The following TPST2 variants were observed in gnomAD, a reference collection of about 807,000 sequenced individuals.
TPST2 encodes the protein protein-tyrosine sulfotransferase 2.
Under a neutral mutation model 27.8 loss-of-function variants are expected in TPST2, and 16 were observed. That is an observed-to-expected ratio of 0.58 (90% CI 0.39 to 0.88). The LOEUF is 0.88. Ranked by LOEUF, TPST2 falls within the 40% of genes least tolerant of loss-of-function variation. The pLI, the probability that TPST2 is intolerant of heterozygous loss-of-function variation, is 0.00. For synonymous variants in TPST2, 229 were observed against 231.7 expected (o/e 0.99, Z 0.10); for missense variants, 464 against 543.1 (o/e 0.85, Z 1.45).
intron 5 of TPST2, among the ~76,000 whole-genome samples, chr22:26,532,180 T>A (rs969431413): frequency 2.3e-4 from 35 of 152,186 alleles, no homozygotes; most frequent in South Asian, 2.1e-4. Flanking sequence ...GAAGACGAAG[T>A]GAGAGGCTGC....
At chr22:26,545,805 G>C (rs745980742) in intron 1 of TPST2, among the ~76,000 whole-genome samples, 3 of 152,142 alleles carry the variant, frequency 2.0e-5, no homozygotes, top group South Asian at 4.1e-4. Context: ...CCAGGCCTGG[G>C]GTGGTGGCTC....
chr22:26,537,556 G>C (rs1213239719), intron 3 of TPST2, among the ~76,000 whole-genome samples: 1 of 152,158 alleles, frequency 6.6e-6, no homozygotes, highest in African/African-American at 2.4e-5. Flanking sequence ...GGGTTCAAAC[G>C]ATTCTCATGC....
intron 1 of TPST2, among the ~76,000 whole-genome samples, chr22:26,562,609 TTTTTC>T (rs71855789): frequency 0.36 from 52,800 of 144,758 alleles, 9,731 homozygotes; most frequent in East Asian, 0.52. Flanking sequence ...CTACACTTGC[TTTTTC>T]TTTTCTTTTC....
intron 1 of TPST2, among the ~76,000 whole-genome samples, chr22:26,587,701 A>G (rs561505304): frequency 6.6e-6 from 1 of 152,312 alleles, no homozygotes; most frequent in Non-Finnish European, 1.5e-5. Context: ...ACTGCTTCAG[A>G]GAACACTAAA....
At chr22:26,557,253 G>A (rs538252269) in intron 1 of TPST2, among the ~76,000 whole-genome samples, 1 of 152,346 alleles carries the variant, frequency 6.6e-6, no homozygotes, top group East Asian at 1.9e-4. Context: ...GATGAGGGGA[G>A]GCACAGGCAG....
intron 1 of TPST2, chr22:26,560,404 G>T (rs181520471): frequency 1.6e-6 from 1 of 621,534 alleles, no homozygotes; most frequent in African/African-American, 1.8e-5. Flanking sequence ...TATGACTTTT[G>T]TAAGGATTAA....
At chr22:26,537,497 G>A (rs1254685240) in intron 3 of TPST2, among the ~76,000 whole-genome samples, 1 of 152,162 alleles carries the variant, frequency 6.6e-6, no homozygotes, top group Admixed American at 6.5e-5. Flanking sequence ...CTGTTGCCCA[G>A]GCTGGAGTGC....
chr22:26,582,970 T>A (rs1928174483), intron 1 of TPST2, among the ~76,000 whole-genome samples: 1 of 149,116 alleles, frequency 6.7e-6, no homozygotes, highest in Admixed American at 6.7e-5. Flanking sequence ...ACACAGGGAG[T>A]ATGCAATGGG....
chr22:26,533,842 T>C (rs1042727353), intron 4 of TPST2, among the ~76,000 whole-genome samples: 4 of 152,054 alleles, frequency 2.6e-5, no homozygotes, highest in Admixed American at 2.6e-4. Context: ...GCCTGGCTAA[T>C]ATTCAATATT....
chr22:26,576,959 G>A (rs964569465), intron 1 of TPST2, among the ~76,000 whole-genome samples: 1 of 151,932 alleles, frequency 6.6e-6, no homozygotes, highest in African/African-American at 2.4e-5. Flanking sequence ...AGCCGGGCGT[G>A]GTGGCAGATG....
At position 26,590,082 on chromosome 22, in the gene TPST2, G is replaced by C. The variant is rs1017539669; in HGVS notation, c.-190C>G. The C allele has an allele frequency of 2.0e-5, 3 of 151,838 alleles. No homozygotes were observed. The highest frequency in any genetic ancestry group is 4.4e-5 in the Non-Finnish European group (3 of 67,962). 9.4% of individuals were successfully genotyped at this position (151,838 alleles called of 1,614,324 possible). On this transcript the variant is annotated 5_prime_UTR_variant, in exon 1 of 7. Coordinates refer to ENST00000338754, the MANE Select transcript of TPST2 (RefSeq NM_003595.5). ...GCGAGACGCGGCGAGGCAGCCCCACGCACCCAGCGACTCCCGGCTCTCCAG... is the reference window on the plus strand; with the variant it reads ...GCGAGACGCGGCGAGGCAGCCCCACCCACCCAGCGACTCCCGGCTCTCCAG...
chr22:26,588,648 G>C (rs1277810556), intron 1 of TPST2, among the ~76,000 whole-genome samples: 1 of 152,184 alleles, frequency 6.6e-6, no homozygotes, highest in African/African-American at 2.4e-5. Context: ...GGGGTTCAGT[G>C]GGGTGGGGGG....
intron 1 of TPST2, among the ~76,000 whole-genome samples, chr22:26,546,060 G>C (rs1222919130): frequency 7.0e-6 from 1 of 143,880 alleles, no homozygotes; most frequent in Admixed American, 7.2e-5. Context: ...CTGGGCAACA[G>C]AGCAAGACCA....
chr22:26,560,493 C>T (rs1374971937), intron 1 of TPST2: 34 of 792,674 alleles, frequency 4.3e-5, no homozygotes, highest in Non-Finnish European at 6.9e-5. Context: ...GGGCACTGGG[C>T]GACTGTGCCT....
intron 1 of TPST2, among the ~76,000 whole-genome samples, chr22:26,580,037 G>A (rs1475322691): frequency 6.6e-6 from 1 of 152,044 alleles, no homozygotes; most frequent in Non-Finnish European, 1.5e-5. Flanking sequence ...TTGAGCCCAG[G>A]AGTTCAAGAC....
rs1924825020 is a variant in TPST2, at chr22:26,526,146, A to G, written c.*129T>C. On this transcript the variant is annotated 3_prime_UTR_variant, in exon 7 of 7. Coordinates refer to ENST00000338754, the MANE Select transcript of TPST2 (RefSeq NM_003595.5). ...TCAGCTTTTGCAAACATATGCAAAT[A>G]CATTCCTCATCAGCAGTCCTGTTTT... 1 of 152,264 alleles carries G rather than the reference A, an allele frequency of 6.6e-6. No individual in the cohort carries two copies. Among genetic ancestry groups the G allele is most frequent in the Admixed American group, 6.5e-5 (1 of 15,292 alleles). 9.4% of individuals were successfully genotyped at this position (152,264 alleles called of 1,614,324 possible).
In TPST2 at chr22:26,523,593, T is replaced by C. The variant is rs1924671367; in HGVS notation, c.*2682A>G. On this transcript the variant is annotated 3_prime_UTR_variant, in exon 7 of 7. Transcript: ENST00000338754. Reference sequence around the variant, plus strand: ...TATTTATTTTATTTTGTTTTATTTATTTTATTTTTGAGATGGAGTCTCACT... The same window carrying C: ...TATTTATTTTATTTTGTTTTATTTACTTTATTTTTGAGATGGAGTCTCACT... The C allele has an allele frequency of 6.6e-6, 1 of 152,198 alleles. No individual in the cohort carries two copies. The highest frequency in any genetic ancestry group is 6.5e-5 in the Admixed American group (1 of 15,276). 9.4% of individuals were successfully genotyped at this position (152,198 alleles called of 1,614,324 possible).
At chr22:26,575,778 G>A (rs1230717439) in intron 1 of TPST2, among the ~76,000 whole-genome samples, 1 of 152,164 alleles carries the variant, frequency 6.6e-6, no homozygotes, top group East Asian at 1.9e-4. Context: ...GGCGGATCAT[G>A]AGGTCAGGAG....
At chr22:26,527,281 A>C (rs1458710178) in intron 6 of TPST2, among the ~76,000 whole-genome samples, 2 of 152,208 alleles carry the variant, frequency 1.3e-5, no homozygotes, top group Admixed American at 1.3e-4. Context: ...GTTTCCTTTA[A>C]CCTGATCATA....
Sources: gnomAD v4.1 joint callset for allele counts (sites outside exome capture counted in the v4.1 genomes callset) on GRCh38, gnomAD v4.1.1 for gene constraint, MANE v1.5 for transcripts, NCBI Gene and HGNC (gene_info 2026-07-23, HGNC 2026-07-21) for gene names.